SLC24A4: variants seen among roughly 807,000 people sequenced by gnomAD.
SLC24A4 encodes the protein sodium/potassium/calcium exchanger 4.
In SLC24A4, 53 loss-of-function variants were observed where a neutral mutation model predicts 79.0. That is an observed-to-expected ratio of 0.67 (90% confidence interval 0.54 to 0.84). The LOEUF is 0.84. SLC24A4 is among the 40% of genes least tolerant of loss of function. The probability of loss-of-function intolerance (pLI) is 0.00; values close to 1 mark genes in which losing one functional copy is unlikely to be tolerated. For missense variants in SLC24A4, 731 were observed against 822.0 expected (o/e 0.89, Z 1.35); for synonymous variants, 323 against 323.8 (o/e 1.00, Z 0.03).
At chr14:92,448,345 T>TACACACACACACACAC (rs71877757) in intron 9 of SLC24A4, among the ~76,000 whole-genome samples, 7,115 of 131,920 alleles carry the variant, frequency 0.054, 312 homozygotes, top group East Asian at 0.12. Context: ...TCCCACTACA[T>TACACACACACACACAC]ACACACACAC....
chr14:92,459,976 G>A (rs1003718787), intron 12 of SLC24A4, among the ~76,000 whole-genome samples: 1 of 152,090 alleles, frequency 6.6e-6, no homozygotes, highest in African/African-American at 2.4e-5. Flanking sequence ...TGCAGCTAGC[G>A]TTTTCCAAAG....
At chr14:92,328,630 T>C (rs954586497) in intron 2 of SLC24A4, among the ~76,000 whole-genome samples, 1 of 152,250 alleles carries the variant, frequency 6.6e-6, no homozygotes, top group Admixed American at 6.5e-5. Flanking sequence ...ACTTATCTTC[T>C]AGCACGGGAA....
intron 2 of SLC24A4, among the ~76,000 whole-genome samples, chr14:92,386,012 A>C (rs1255299010): frequency 1.3e-5 from 2 of 152,152 alleles, no homozygotes; most frequent in African/African-American, 4.8e-5. Context: ...GCTTCAAGGC[A>C]GCTTGCCCCT....
At chr14:92,468,821 A>G (rs928985329) in intron 12 of SLC24A4, among the ~76,000 whole-genome samples, 2 of 152,214 alleles carry the variant, frequency 1.3e-5, no homozygotes, top group South Asian at 2.1e-4. Context: ...ATAGGTATAC[A>G]TATTTGTGAC....
At chr14:92,493,339 G>C (rs1204076902) in intron 16 of SLC24A4, 137 bp from the exon 17 acceptor site, 1 of 1,023,030 alleles carries the variant, frequency 9.8e-7, no homozygotes, top group Non-Finnish European at 1.4e-6. Context: ...CTGAGGATCA[G>C]ACTGCAGCAC....
intron 2 of SLC24A4, among the ~76,000 whole-genome samples, chr14:92,339,045 G>A (rs546363988): frequency 3.3e-5 from 5 of 152,286 alleles, no homozygotes; most frequent in South Asian, 2.1e-4. Context: ...CTAGCCTGTC[G>A]GTGCCTTGGG....
In SLC24A4 at chr14:92,449,223, C is replaced by T; in HGVS notation, c.880+7C>T. ...GTGCCATTGCTGGGGCAAGGTAAGG[C>T]TGAGCAGACAGGAGTGGGCAGAAAT... is the stretch of plus-strand genomic sequence containing the variant. On this transcript the variant is annotated splice_region_variant and intron_variant, in intron 10 of 16. Coordinates refer to ENST00000532405, the MANE Select transcript of SLC24A4 (RefSeq NM_153646.4). The T allele has an allele frequency of 6.2e-7, 1 of 1,613,374 alleles. No homozygotes were observed. Among genetic ancestry groups the T allele is most frequent in the Non-Finnish European group, 8.5e-7 (1 of 1,179,666 alleles).
Position 92,341,668 on chromosome 14 carries a change from G to A in SLC24A4, c.241+15690G>A, listed in dbSNP as rs7158802. Among the ~76,000 whole-genome samples, 931 of 152,228 alleles carry A rather than the reference G, an allele frequency of 6.1e-3. 9 individuals are homozygous for A. The highest frequency in any genetic ancestry group is 0.021 in the African/African-American group (890 of 41,538). On this transcript the variant is annotated intron_variant, in intron 2 of 16. Coordinates refer to ENST00000532405, the MANE Select transcript of SLC24A4 (RefSeq NM_153646.4). Reference sequence around the variant, plus strand: ...CGACGGGCAGCTTGCCTCCCCTAAAGTGCTTCTTAAAGGAAACCTTTGCCT... The same window carrying A: ...CGACGGGCAGCTTGCCTCCCCTAAAATGCTTCTTAAAGGAAACCTTTGCCT...
rs1344009071 is a variant in SLC24A4 at position 92,474,860 on chromosome 14, TA to T, written c.1256-7819del. Among the ~76,000 whole-genome samples the T allele has an allele frequency of 5.8e-3, 404 of 69,112 alleles. 26 individuals carry two copies. Among genetic ancestry groups the T allele is most frequent in the East Asian group, 0.01 (20 of 1,916 alleles). 45.3% of individuals were successfully genotyped at this position (69,112 alleles called of 152,430 possible). ...GTGTGTGTGTATATATATATATATATATATTTTTTTTTTTTTTAGTAGACAC... is the reference window on the plus strand; with the variant it reads ...GTGTGTGTGTATATATATATATATATTATTTTTTTTTTTTTTAGTAGACAC... On this transcript the variant is annotated intron_variant, in intron 12 of 16. Coordinates refer to ENST00000532405, the MANE Select transcript of SLC24A4 (RefSeq NM_153646.4).
intron 2 of SLC24A4, among the ~76,000 whole-genome samples, chr14:92,356,281 C>T (rs1887177168): frequency 6.6e-6 from 1 of 152,148 alleles, no homozygotes; most frequent in Admixed American, 6.6e-5. Context: ...CGAGATGTGA[C>T]CCCATCGTAA....
intron 12 of SLC24A4, chr14:92,457,161 T>C (rs1893522572): frequency 6.3e-6 from 1 of 158,888 alleles, no homozygotes; most frequent in African/African-American, 2.4e-5. Flanking sequence ...CCATCTCACT[T>C]GGAGTCTGAC....
chr14:92,431,077 A>G (rs1891844558), intron 2 of SLC24A4, among the ~76,000 whole-genome samples: 4 of 152,178 alleles, frequency 2.6e-5, no homozygotes, highest in Admixed American at 2.6e-4. Context: ...ATGTAGCCCA[A>G]ATCATCTCTT....
At chr14:92,420,688 G>T (rs1308984199) in intron 2 of SLC24A4, among the ~76,000 whole-genome samples, 1 of 152,122 alleles carries the variant, frequency 6.6e-6, no homozygotes, top group Non-Finnish European at 1.5e-5. Flanking sequence ...TGGCCATACG[G>T]TCTAGTTAGA....
chr14:92,323,715 C>A lies in SLC24A4; in HGVS notation c.-116C>A. ...GCCATGAGGCTTTGGCCCGGAGCTC[C>A]TCGCCTCTGAGTCGCGCACCGCCTG... is the stretch of plus-strand genomic sequence containing the variant. On this transcript the variant is annotated 5_prime_UTR_variant, in exon 1 of 17. Coordinates refer to ENST00000532405, the MANE Select transcript of SLC24A4 (RefSeq NM_153646.4). This position sits in a 1 kb window ranked among gnomAD's most constrained non-coding sequence, Gnocchi z 4.9. The A allele has an allele frequency of 7.5e-7, 1 of 1,341,592 alleles. No homozygotes were observed. The allele number at this position is 1,341,592 out of a possible 1,614,324, so 83.1% of individuals were successfully genotyped here. A position where few individuals can be genotyped will look rare whatever the true frequency, so the allele number is the denominator to read the frequency against.
chr14:92,403,695 C>T (rs192702744), intron 2 of SLC24A4, among the ~76,000 whole-genome samples: 3 of 152,064 alleles, frequency 2.0e-5, no homozygotes, highest in African/African-American at 7.2e-5. Flanking sequence ...TGCCTTCCCC[C>T]CTTCTAGATA....
At chr14:92,405,281 A>G (rs1337073858) in intron 2 of SLC24A4, among the ~76,000 whole-genome samples, 2 of 152,230 alleles carry the variant, frequency 1.3e-5, no homozygotes, top group Non-Finnish European at 2.9e-5. Context: ...ATGATGGGTA[A>G]ATTTAAGAAC....
intron 2 of SLC24A4, among the ~76,000 whole-genome samples, chr14:92,406,080 G>C (rs1292696442): frequency 6.6e-6 from 1 of 152,210 alleles, no homozygotes; most frequent in Non-Finnish European, 1.5e-5. Flanking sequence ...CATTCCAAAA[G>C]GGAGGAATTG....
intron 2 of SLC24A4, among the ~76,000 whole-genome samples, chr14:92,385,474 C>T (rs965497653): frequency 1.3e-5 from 2 of 149,994 alleles, no homozygotes; most frequent in South Asian, 2.1e-4. Context: ...TCCAGCCTGG[C>T]GACAGAGCGA....
intron 2 of SLC24A4, among the ~76,000 whole-genome samples, chr14:92,344,832 G>C (rs1886435913): frequency 6.6e-6 from 1 of 152,186 alleles, no homozygotes; most frequent in Non-Finnish European, 1.5e-5. Flanking sequence ...CCACAAACAG[G>C]GAGGGCGGGA....
Sources: allele counts gnomAD v4.1 joint callset (sites outside exome capture counted in the v4.1 genomes callset), GRCh38; gene constraint gnomAD v4.1.1; non-coding constraint Gnocchi (gnomAD v3.1); transcripts MANE v1.5; gene names NCBI Gene and HGNC (gene_info 2026-07-23, HGNC 2026-07-21).